LDLRAD3: variants seen among roughly 807,000 people sequenced by gnomAD.
The protein encoded by LDLRAD3 is low-density lipoprotein receptor class A domain-containing protein 3.
Under a neutral mutation model 29.4 loss-of-function variants are expected in LDLRAD3, and 20 were observed. The ratio of observed to expected loss-of-function variants is 0.68; its 90% CI spans 0.48 to 0.99. The LOEUF (loss-of-function observed/expected upper bound fraction) is 0.99, where lower values mean the gene tolerates loss of function less well. Ranked by LOEUF, LDLRAD3 falls within the 50% of genes least tolerant of loss-of-function variation. The probability of loss-of-function intolerance (pLI) is 0.00; values close to 1 mark genes in which losing one functional copy is unlikely to be tolerated. For synonymous variants in LDLRAD3, 157 were observed against 192.7 expected (o/e 0.81, Z 1.53); for missense variants, 420 against 454.3 (o/e 0.92, Z 0.69).
intron 1 of LDLRAD3, among the ~76,000 whole-genome samples, chr11:35,966,775 T>A (rs1851347011): frequency 6.6e-6 from 1 of 152,146 alleles, no homozygotes; most frequent in African/African-American, 2.4e-5. Flanking sequence ...TCAGAAAGGG[T>A]ATATATATTA....
chr11:36,151,116 C>T (rs1854272477), intron 4 of LDLRAD3, among the ~76,000 whole-genome samples: 3 of 152,158 alleles, frequency 2.0e-5, no homozygotes, highest in African/African-American at 2.4e-5. Flanking sequence ...AACGCCCTCA[C>T]CAGTCTAGCC....
chr11:36,039,009 A>G (rs1464237493), intron 2 of LDLRAD3, among the ~76,000 whole-genome samples: 11 of 144,722 alleles, frequency 7.6e-5, no homozygotes, highest in East Asian at 2.0e-4. Flanking sequence ...TGCCTCTGTC[A>G]CCCAGGCTGG....
intron 4 of LDLRAD3, among the ~76,000 whole-genome samples, chr11:36,149,229 G>C (rs575183040): frequency 6.2e-4 from 94 of 152,316 alleles, no homozygotes; most frequent in African/African-American, 2.1e-3. Flanking sequence ...AGGCACTCAG[G>C]CCTGGGAGGG....
chr11:36,032,491 G>A (rs545932229), intron 1 of LDLRAD3, among the ~76,000 whole-genome samples: 2 of 152,338 alleles, frequency 1.3e-5, no homozygotes, highest in East Asian at 3.9e-4. Context: ...GGAGTGAGAA[G>A]TGAGAAGTCC....
intron 4 of LDLRAD3, among the ~76,000 whole-genome samples, chr11:36,168,992 T>C (rs748633231): frequency 2.0e-5 from 3 of 152,156 alleles, no homozygotes; most frequent in Non-Finnish European, 4.4e-5. Context: ...GAATGACATA[T>C]GAGGAATGAC....
intron 4 of LDLRAD3, among the ~76,000 whole-genome samples, chr11:36,106,481 T>G (rs1195313695): frequency 6.6e-6 from 1 of 152,144 alleles, no homozygotes; most frequent in Admixed American, 6.5e-5. Context: ...GAAGAAAGAA[T>G]TAGGGACAGT....
At chr11:36,056,614 A>G (rs193231177) in intron 2 of LDLRAD3, among the ~76,000 whole-genome samples, 2 of 152,300 alleles carry the variant, frequency 1.3e-5, no homozygotes, top group East Asian at 1.9e-4. Context: ...CGGAATGCAT[A>G]AAGTGCAATA....
chr11:35,953,037 T>C (rs1386076340), intron 1 of LDLRAD3, among the ~76,000 whole-genome samples: 1 of 152,180 alleles, frequency 6.6e-6, no homozygotes, highest in East Asian at 1.9e-4. Flanking sequence ...TGTAAAGTGT[T>C]AGCTACAGGC....
At chr11:36,135,469 C>T (rs1254888009) in intron 4 of LDLRAD3, among the ~76,000 whole-genome samples, 1 of 152,116 alleles carries the variant, frequency 6.6e-6, no homozygotes, top group East Asian at 1.9e-4. Context: ...TCTCATTATC[C>T]TGAGTGTTTA....
At chr11:36,176,385 T>A (rs1854675894) in intron 4 of LDLRAD3, among the ~76,000 whole-genome samples, 1 of 152,172 alleles carries the variant, frequency 6.6e-6, no homozygotes, top group Non-Finnish European at 1.5e-5. Context: ...CTTTTTTTCA[T>A]TGTGTTACTG....
intron 3 of LDLRAD3, among the ~76,000 whole-genome samples, chr11:36,097,778 T>C (rs547765301): frequency 6.6e-6 from 1 of 152,158 alleles, no homozygotes; most frequent in Non-Finnish European, 1.5e-5. Flanking sequence ...TCATGCATTA[T>C]GTATATGTAG....
rs144525183 is a variant in LDLRAD3 at position 36,037,942 on chromosome 11, G to C, written c.193+1693G>C. Among the ~76,000 whole-genome samples, 736 of 152,288 alleles carry C rather than the reference G, an allele frequency of 4.8e-3. 8 individuals carry two copies. Among genetic ancestry groups the C allele is most frequent in the African/African-American group, 0.017 (709 of 41,558 alleles). ...GTTTGTTTATTGTTTTCCAGCCCAG[G>C]CTGGAATGCAATGGCATGATCACAG... On this transcript the variant is annotated intron_variant, in intron 2 of 5. Transcript: ENST00000315571.
At chr11:36,101,885 CTTT>C (rs397848318) in intron 4 of LDLRAD3, 4,040 of 222,208 alleles carry the variant, frequency 0.018, no homozygotes, top group South Asian at 0.027. Context: ...CCACTGTCAT[CTTT>C]TTTTTTTTTT....
chr11:36,069,179 A>G (rs1852851173), intron 2 of LDLRAD3, among the ~76,000 whole-genome samples: 2 of 152,248 alleles, frequency 1.3e-5, no homozygotes, highest in Middle Eastern at 3.2e-3. Flanking sequence ...TGCAAAGGCT[A>G]GAATTCCAGG....
chr11:36,060,119 C>A (rs113256624), intron 2 of LDLRAD3, among the ~76,000 whole-genome samples: 5,149 of 152,210 alleles, frequency 0.034, 270 homozygotes, highest in African/African-American at 0.12. Context: ...CTTTGGGAGG[C>A]CAAGGCAGGT....
intron 4 of LDLRAD3, among the ~76,000 whole-genome samples, chr11:36,168,226 A>C (rs1374595884): frequency 6.6e-6 from 1 of 152,206 alleles, no homozygotes; most frequent in Non-Finnish European, 1.5e-5. Flanking sequence ...AAAACCAACA[A>C]GATCATAAAG....
chr11:36,195,122 A>G (rs1383203460), intron 4 of LDLRAD3, among the ~76,000 whole-genome samples: 5 of 152,226 alleles, frequency 3.3e-5, no homozygotes, highest in Non-Finnish European at 7.3e-5. Flanking sequence ...AGAACATTTC[A>G]TAAAGACATC....
chr11:36,108,516 G>A (rs1853564338), intron 4 of LDLRAD3, among the ~76,000 whole-genome samples: 1 of 152,050 alleles, frequency 6.6e-6, no homozygotes, highest in Admixed American at 6.6e-5. Context: ...TGTGTTGCAA[G>A]GACAGGCGCA....
chr11:36,040,713 T>C (rs1265052193), intron 2 of LDLRAD3, among the ~76,000 whole-genome samples: 2 of 152,146 alleles, frequency 1.3e-5, no homozygotes, highest in Non-Finnish European at 2.9e-5. Flanking sequence ...AATTACTGGG[T>C]TGGAGGGAAG....
Sources: allele counts gnomAD v4.1 joint callset (sites outside exome capture counted in the v4.1 genomes callset), GRCh38; gene constraint gnomAD v4.1.1; transcripts MANE v1.5; gene names NCBI Gene and HGNC (gene_info 2026-07-23, HGNC 2026-07-21).